STPG4: variants seen among roughly 807,000 people sequenced by gnomAD.
STPG4 encodes sperm-tail PG-rich repeat containing 4, also known as protein STPG4.
A neutral mutation model predicts 31.5 loss-of-function variants in STPG4; 41 were observed. The observed-to-expected ratio is 1.30, with a 90% confidence interval of 1.01 to 1.69. The LOEUF is 1.69. Among genes scored for constraint, STPG4 ranks in the 40% most tolerant of loss-of-function variants. The pLI is 0.00. For synonymous variants in STPG4, 141 were observed against 103.0 expected, an observed-to-expected ratio of 1.37 and a Z score of -2.24; for missense variants, 375 against 293.4, an observed-to-expected ratio of 1.28 and a Z score of -2.03.
At chr2:47,125,535 C>T (rs1296661977) in intron 5 of STPG4, among the ~76,000 whole-genome samples, 1 of 152,200 alleles carries the variant, frequency 6.6e-6, no homozygotes, top group African/African-American at 2.4e-5. Context: ...TGGGTCGTCT[C>T]TTCACTTTGT....
At chr2:47,120,864 G>A (rs1301998355) in intron 5 of STPG4, 2 of 152,166 alleles carry the variant, frequency 1.3e-5, no homozygotes, top group Admixed American at 1.3e-4. Context: ...AGGTCCCTAA[G>A]AGGGGGTTCC....
In STPG4 at chr2:47,129,834, G is replaced by T. The variant is rs1398391624; in HGVS notation, c.519+107C>A. The T allele has an allele frequency of 3.6e-6, 5 of 1,375,158 alleles. No individual in the cohort carries two copies. The East Asian group carries it at 6.9e-5, about 19-fold the overall frequency. The allele number at this position is 1,375,158 out of a possible 1,614,324, so 85.2% of individuals were successfully genotyped here. On this transcript the variant is annotated intron_variant, in intron 5 of 6. Coordinates refer to ENST00000445927, the MANE Select transcript of STPG4 (RefSeq NM_001163561.2). Reference sequence around the variant, plus strand: ...TGGATAATGGTGTTCCTGCTAGGGGGAACGATCACTGGAGGGTTCTATGTG... The same window carrying T: ...TGGATAATGGTGTTCCTGCTAGGGGTAACGATCACTGGAGGGTTCTATGTG...
intron 5 of STPG4, among the ~76,000 whole-genome samples, chr2:47,109,229 G>A (rs548675193): frequency 1.5e-4 from 23 of 152,270 alleles, no homozygotes; most frequent in African/African-American, 5.5e-4. Flanking sequence ...TTTTTAAGAA[G>A]AAAAATTGCC....
At chr2:47,108,217 A>G (rs1463910183) in intron 5 of STPG4, among the ~76,000 whole-genome samples, 1 of 151,490 alleles carries the variant, frequency 6.6e-6, no homozygotes, top group Non-Finnish European at 1.5e-5. Flanking sequence ...AATCAGCAGG[A>G]TGTGGGTGGG....
chr2:47,134,753 T>C (rs1314762800), intron 3 of STPG4, among the ~76,000 whole-genome samples: 1 of 151,958 alleles, frequency 6.6e-6, no homozygotes, highest in Non-Finnish European at 1.5e-5. Flanking sequence ...TATGTAAGAG[T>C]ATGTTTAGTT....
intron 5 of STPG4, among the ~76,000 whole-genome samples, chr2:47,100,832 A>C (rs1383403055): frequency 6.6e-6 from 1 of 151,476 alleles, no homozygotes; most frequent in Non-Finnish European, 1.5e-5. Context: ...CCACGAACCC[A>C]CAAGAAGGAA....
intron 5 of STPG4, among the ~76,000 whole-genome samples, chr2:47,104,003 T>C (rs1685852092): frequency 6.6e-6 from 1 of 152,012 alleles, no homozygotes; most frequent in South Asian, 2.1e-4. Flanking sequence ...TGGGAGACTT[T>C]GCTCTTTTCA....
chr2:47,155,113 G>T, intron 1 of STPG4, 58 bp downstream of exon 1: 1 of 1,518,270 alleles, frequency 6.6e-7, no homozygotes, highest in Non-Finnish European at 9.1e-7. Context: ...GTGGGAAAAG[G>T]GTAGTGGGCC....
intron 3 of STPG4, among the ~76,000 whole-genome samples, chr2:47,132,700 T>C (rs1410535635): frequency 1.3e-5 from 2 of 152,220 alleles, no homozygotes; most frequent in Non-Finnish European, 2.9e-5. Context: ...TATTTCCTGA[T>C]TCTGATGACA....
chr2:47,138,227 A>G (rs183366158), intron 3 of STPG4, among the ~76,000 whole-genome samples: 59 of 152,290 alleles, frequency 3.9e-4, no homozygotes, highest in African/African-American at 1.3e-3. Flanking sequence ...ACATTTTTCT[A>G]ACAACACAGA....
chr2:47,104,789 C>T (rs6716255), intron 5 of STPG4, among the ~76,000 whole-genome samples: 62,580 of 151,634 alleles, frequency 0.41, 13,714 homozygotes, highest in African/African-American at 0.51. Flanking sequence ...AACTTTCTAG[C>T]TAATCAAGGG....
intron 3 of STPG4, among the ~76,000 whole-genome samples, chr2:47,147,209 G>A (rs571652026): frequency 2.0e-5 from 3 of 152,290 alleles, no homozygotes; most frequent in Non-Finnish European, 2.9e-5. Flanking sequence ...AGTCCATTCA[G>A]TGCCCATCAG....
rs184833518 is a variant in STPG4, at chr2:47,106,678, G to A, written c.520-16304C>T. On this transcript the variant is annotated intron_variant, in intron 5 of 6. Transcript: ENST00000445927. ...CCAGTCAAGGATAGTATGAGATACC[G>A]CCCGGCGTTTACAGGAAAACGCTTC... Among the ~76,000 whole-genome samples, 496 of 151,846 alleles carry A rather than the reference G, an allele frequency of 3.3e-3. 11 individuals carry two copies. The highest frequency in any genetic ancestry group is 0.023 in the Admixed American group (348 of 15,250).
chr2:47,088,796 C>G (rs1685511205), intron 6 of STPG4, among the ~76,000 whole-genome samples: 1 of 152,140 alleles, frequency 6.6e-6, no homozygotes, highest in Non-Finnish European at 1.5e-5. Context: ...GAGGAGCAGC[C>G]TGGAAATCTA....
At chr2:47,130,037 A>G in intron 4 of STPG4, 42 bp from the exon 5 acceptor site, 2 of 1,499,764 alleles carry the variant, frequency 1.3e-6, no homozygotes, top group South Asian at 1.2e-5. Context: ...TTCTAAATCT[A>G]TTTTTTAAAG....
At chr2:47,099,611 C>T (rs1052081419) in intron 5 of STPG4, among the ~76,000 whole-genome samples, 4 of 152,290 alleles carry the variant, frequency 2.6e-5, no homozygotes, top group Non-Finnish European at 5.9e-5. Context: ...GCCTCCTCTG[C>T]CTGGGCTCCC....
chr2:47,151,168 G>C, intron 3 of STPG4, 90 bp downstream of exon 3: 1 of 1,456,254 alleles, frequency 6.9e-7, no homozygotes, highest in East Asian at 2.3e-5. Context: ...CATTTCTCCT[G>C]GGGGAAGATA....
chr2:47,140,597 T>G (rs930785248), intron 3 of STPG4, among the ~76,000 whole-genome samples: 1 of 152,222 alleles, frequency 6.6e-6, no homozygotes, highest in Non-Finnish European at 1.5e-5. Context: ...CTCTCCAATT[T>G]TGGGGATAGT....
chr2:47,091,191 G>T (rs575856582), intron 5 of STPG4, among the ~76,000 whole-genome samples: 1 of 151,822 alleles, frequency 6.6e-6, no homozygotes, highest in South Asian at 2.1e-4. Flanking sequence ...AGGAGAGAGG[G>T]AAAGAAGGAA....
Sources: gnomAD v4.1 joint callset for allele counts (sites outside exome capture counted in the v4.1 genomes callset) on GRCh38, gnomAD v4.1.1 for gene constraint, MANE v1.5 for transcripts, NCBI Gene and HGNC (gene_info 2026-07-23, HGNC 2026-07-21) for gene names.